Variants in FGF13 observed in about 807,000 individuals in gnomAD.
The protein encoded by FGF13 is fibroblast growth factor homologous factor 2.
In FGF13, 2 loss-of-function variants were observed where a neutral mutation model predicts 19.5. The observed-to-expected ratio is 0.10, with a 90% CI of 0.04 to 0.32. The LOEUF (loss-of-function observed/expected upper bound fraction) is 0.32. Ranked by LOEUF, FGF13 falls within the 10% of genes least tolerant of loss-of-function variation. FGF13 has a pLI of 1.00. For synonymous variants in FGF13, 72 were observed against 76.9 expected, an observed-to-expected ratio of 0.94 and a Z score of 0.33; for missense variants, 113 against 192.7, an observed-to-expected ratio of 0.59 and a Z score of 2.45.
chrX:138,787,715 C>T (rs1048093489), intron 3 of FGF13, among the ~76,000 whole-genome samples: 2 of 109,817 alleles, frequency 1.8e-5, no homozygotes, highest in Non-Finnish European at 3.8e-5. Context: ...CCTTTGCCCC[C>T]CACCCCCCAA....
At chrX:139,140,568 A>C (rs1443055016) in intron 1 of FGF13, among the ~76,000 whole-genome samples, 1 of 111,108 alleles carries the variant, frequency 9.0e-6, no homozygotes, top group Non-Finnish European at 1.9e-5. Flanking sequence ...AAGTCATTCC[A>C]TCTTACCACC....
At chrX:139,053,070 G>A (rs1369357747) in intron 1 of FGF13, among the ~76,000 whole-genome samples, 3 of 101,961 alleles carry the variant, frequency 2.9e-5, no homozygotes, top group African/African-American at 1.1e-4. Flanking sequence ...TGTCCTCATA[G>A]TTTAGCTCCC....
intron 3 of FGF13, among the ~76,000 whole-genome samples, chrX:138,749,814 A>AC (rs1180792729): frequency 1.8e-5 from 2 of 111,181 alleles, no homozygotes; most frequent in African/African-American, 6.6e-5. Flanking sequence ...ATTATGTGTG[A>AC]CCCCCTGGAT....
chrX:138,993,867 G>C (rs931366491), intron 1 of FGF13, among the ~76,000 whole-genome samples: 11 of 111,665 alleles, frequency 9.9e-5, no homozygotes, highest in African/African-American at 3.3e-4. Flanking sequence ...GCCTCTTACA[G>C]TGTCAAAAAC....
chrX:139,069,472 G>A (rs2092369276), intron 1 of FGF13, among the ~76,000 whole-genome samples: 1 of 80,808 alleles, frequency 1.2e-5, no homozygotes, highest in Non-Finnish European at 2.4e-5. Context: ...GGGGGGTGGG[G>A]GGAGGGGGGA....
At chrX:138,712,955 T>C (rs2090068574), upstream of FGF13, among the ~76,000 whole-genome samples, 1 of 112,324 alleles carries the variant, frequency 8.9e-6, no homozygotes, top group South Asian at 3.7e-4. Flanking sequence ...ACCGGACCCT[T>C]CTGTAGATTC....
At chrX:139,182,968 A>C (rs2084252024) in intron 1 of FGF13, among the ~76,000 whole-genome samples, 1 of 111,410 alleles carries the variant, frequency 9.0e-6, no homozygotes, top group South Asian at 3.8e-4. Flanking sequence ...GGCTCACTCA[A>C]GGGCACCCAG....
intron 1 of FGF13, among the ~76,000 whole-genome samples, chrX:138,877,222 T>C (rs1282304159): frequency 9.2e-6 from 1 of 108,584 alleles, no homozygotes; most frequent in Non-Finnish European, 1.9e-5. Flanking sequence ...TCTGCACATG[T>C]ATTCTGTTTT....
chrX:139,072,656 C>A (rs1466262901), intron 1 of FGF13, among the ~76,000 whole-genome samples: 3 of 111,711 alleles, frequency 2.7e-5, no homozygotes, highest in African/African-American at 9.8e-5. Flanking sequence ...TTAAGATTTT[C>A]TTTTTCAGGG....
chrX:139,187,437 G>C (rs945551352), intron 1 of FGF13, among the ~76,000 whole-genome samples: 1 of 112,357 alleles, frequency 8.9e-6, no homozygotes, highest in Non-Finnish European at 1.9e-5. Flanking sequence ...TTCTGGAATA[G>C]TTGTGTCTTA....
chrX:139,183,717 C>T (rs2084257922), intron 1 of FGF13, among the ~76,000 whole-genome samples: 1 of 112,071 alleles, frequency 8.9e-6, no homozygotes, highest in Non-Finnish European at 1.9e-5. Flanking sequence ...GCTAAATAAA[C>T]CTCTTTTCTG....
chrX:138,655,442 A>G (rs1458221850), intron 3 of FGF13, among the ~76,000 whole-genome samples: 1 of 112,175 alleles, frequency 8.9e-6, no homozygotes, highest in East Asian at 2.8e-4. Flanking sequence ...TAGAAGGAGT[A>G]AATATAAAAA....
intron 1 of FGF13, among the ~76,000 whole-genome samples, chrX:138,996,352 G>A (rs2092042756): frequency 8.9e-6 from 1 of 112,673 alleles, no homozygotes; most frequent in African/African-American, 3.2e-5. Context: ...CACGGTCTTT[G>A]CAACCAGCAG....
upstream of FGF13, among the ~76,000 whole-genome samples, chrX:138,713,851 CAAACTGT>C (rs1318544556): frequency 9.0e-6 from 1 of 111,541 alleles, no homozygotes; most frequent in Non-Finnish European, 1.9e-5. Flanking sequence ...TTTGCAAACA[CAAACTGT>C]AAATACATCC....
rs191766116 is a variant in FGF13, at chrX:138,791,033, T to C, written c.217+66479A>G. On this transcript the variant is annotated intron_variant, in intron 3 of 6. Transcript: ENST00000436198. ...ACAATAAAAAATACAAATAAAAATA[T>C]GTCAAGAACCCCATAAATATATACA... 7.1e-5 allele frequency among the ~76,000 whole-genome samples: 8 copies of C among 112,026 alleles called. No individual in the cohort carries two copies. In the East Asian group the frequency reaches 2.3e-3, roughly 32 times the overall value.
intron 1 of FGF13, among the ~76,000 whole-genome samples, chrX:139,177,659 G>A (rs149084013): frequency 2.1e-3 from 232 of 111,397 alleles, no homozygotes; most frequent in African/African-American, 7.0e-3. Flanking sequence ...CTTAGCTTGC[G>A]GGGCTCCATG....
At chrX:138,989,794 C>T (rs2092008188) in intron 1 of FGF13, among the ~76,000 whole-genome samples, 1 of 109,249 alleles carries the variant, frequency 9.2e-6, no homozygotes, top group Non-Finnish European at 1.9e-5. Context: ...AGTTAAATGG[C>T]CAGCCCAGAG....
At chrX:139,128,924 C>T (rs2083738554) in intron 1 of FGF13, among the ~76,000 whole-genome samples, 2 of 110,071 alleles carry the variant, frequency 1.8e-5, no homozygotes, top group African/African-American at 6.6e-5. Context: ...ACTAGACCTT[C>T]TGCAGTCTAT....
intron 1 of FGF13, among the ~76,000 whole-genome samples, chrX:139,122,520 C>G (rs748736468): frequency 8.9e-6 from 1 of 111,848 alleles, no homozygotes; most frequent in South Asian, 3.8e-4. Flanking sequence ...TCTTATTCAA[C>G]CTTTCTGTGG....
Sources: gnomAD v4.1 joint callset for allele counts (sites outside exome capture counted in the v4.1 genomes callset) on GRCh38, gnomAD v4.1.1 for gene constraint, MANE v1.5 for transcripts, NCBI Gene and HGNC (gene_info 2026-07-23, HGNC 2026-07-21) for gene names.